The following CLCC1 variants were observed in gnomAD, a reference collection of about 807,000 sequenced individuals.
CLCC1 encodes chloride channel CLIC-like protein 1.
In CLCC1, 39 loss-of-function variants were observed where a neutral mutation model predicts 63.3. That is an observed-to-expected ratio of 0.62 (90% CI 0.48 to 0.81). The LOEUF (loss-of-function observed/expected upper bound fraction) is 0.81. Among genes scored for constraint, CLCC1 ranks in the 30% least tolerant of loss-of-function variants. CLCC1 has a pLI of 0.00. For missense variants in CLCC1, 549 were observed against 669.4 expected (o/e 0.82, Z 1.98); for synonymous variants, 217 against 239.8 (o/e 0.90, Z 0.88).
intron 2 of CLCC1, among the ~76,000 whole-genome samples, chr1:108,954,732 A>G (rs1364585660): frequency 6.6e-6 from 1 of 151,258 alleles, no homozygotes. Context: ...AGAAATTCAT[A>G]ATGAGAATAT....
At chr1:108,951,663 C>T (rs923279381) in intron 2 of CLCC1, among the ~76,000 whole-genome samples, 1 of 107,094 alleles carries the variant, frequency 9.3e-6, no homozygotes, top group Admixed American at 9.7e-5. Flanking sequence ...AGTATAGTAG[C>T]TAAAGGGTAC....
chr1:108,957,615 G>C (rs940602333), intron 2 of CLCC1, among the ~76,000 whole-genome samples: 2 of 151,542 alleles, frequency 1.3e-5, no homozygotes, highest in Non-Finnish European at 2.9e-5. Flanking sequence ...TGAAAATTTG[G>C]ATGTCGGTAA....
rs759099681 is a variant in CLCC1 at position 108,962,419 on chromosome 1, A to T, written c.-122T>A. 2.0e-5 allele frequency: 3 copies of T among 152,150 alleles called. No individual in the cohort carries two copies. Among genetic ancestry groups the T allele is most frequent in the Non-Finnish European group, 2.9e-5 (2 of 68,024 alleles). The allele number at this position is 152,150 out of a possible 1,614,324, so 9.4% of individuals were successfully genotyped here. A position where few individuals can be genotyped will look rare whatever the true frequency, so the allele number is the denominator to read the frequency against. On this transcript the variant is annotated 5_prime_UTR_variant, in exon 2 of 13. The change creates a new upstream start codon in the 5' untranslated region. Transcript: ENST00000369969. ...CAGTTTCTTGGAACCATGGCTCTCA[A>T]ACTTGCGAATTTGCATTTTTAACAA...
chr1:108,944,223 G>A (rs949493836), intron 5 of CLCC1, among the ~76,000 whole-genome samples, 166 bp from the exon 6 acceptor site: 21 of 152,260 alleles, frequency 1.4e-4, no homozygotes, highest in Middle Eastern at 6.8e-3. Context: ...TAATCCTAGT[G>A]CTTTGACAGG....
chr1:108,954,817 C>CGTGTGTGTGTGTGTGTGTGTGTGT (rs58482013), intron 2 of CLCC1, among the ~76,000 whole-genome samples: 1 of 140,520 alleles, frequency 7.1e-6, no homozygotes, highest in African/African-American at 2.8e-5. Flanking sequence ...ACTGTCTTTG[C>CGTGTGTGTGTGTGTGTGTGTGTGT]GTGTGTGTGT....
chr1:108,949,904 T>A lies in CLCC1; in HGVS notation c.147A>T (p.Ser49=). The A allele has an allele frequency of 6.3e-7, 1 of 1,596,126 alleles. No homozygotes were observed. The highest frequency in any genetic ancestry group is 1.7e-4 in the Middle Eastern group (1 of 6,042). Residue 49 remains serine, a synonymous_variant, in exon 4 of 13, where the codon TCA becomes TCT. Coordinates refer to ENST00000369969, the MANE Select transcript of CLCC1 (RefSeq NM_001377458.1). ...AGTCAGGACTGACATCCTTTTCCCC[T>A]GAAATACCATATTTTGCCTAAAACA... ...MRKSQAKYGI[S]GEKDVSPDLS...
chr1:108,957,584 G>GA (rs1258252290), intron 2 of CLCC1, among the ~76,000 whole-genome samples: 3 of 151,554 alleles, frequency 2.0e-5, no homozygotes, highest in South Asian at 4.1e-4. Flanking sequence ...CTCTAATACA[G>GA]AAATACACTA....
intron 12 of CLCC1, chr1:108,933,976 T>C (rs946858591): frequency 2.0e-5 from 3 of 152,210 alleles, no homozygotes; most frequent in Non-Finnish European, 4.4e-5. Flanking sequence ...TGCACTTCAA[T>C]TGGTGGGGGA....
chr1:108,944,201 A>G, intron 5 of CLCC1, 144 bp from the exon 6 acceptor site: 2 of 647,490 alleles, frequency 3.1e-6, no homozygotes, highest in Non-Finnish European at 5.2e-6. Flanking sequence ...TGGGCAAGGT[A>G]GCTCACACCT....
chr1:108,929,724 A>G lies in CLCC1; in HGVS notation c.*2823T>C. ...AGGGATCCAGATTAGATGATCAAAG[A>G]TGTGCTCCACCACCTGCTACCACAA... On this transcript the variant is annotated 3_prime_UTR_variant, in exon 13 of 13. Coordinates refer to ENST00000369969, the MANE Select transcript of CLCC1 (RefSeq NM_001377458.1). 1 of 1,613,216 alleles carries G rather than the reference A, an allele frequency of 6.2e-7. No individual in the cohort carries two copies. Among genetic ancestry groups the G allele is most frequent in the Non-Finnish European group, 8.5e-7 (1 of 1,179,238 alleles).
Position 108,948,826 on chromosome 1 carries a change from AT to A in CLCC1, c.231+993del, listed in dbSNP as rs957701692. ...CAATAATAATACACAAAGTGAAGCA[AT>A]TTTTTTTTCCTTTTCTTTTTCTTGT... On this transcript the variant is annotated intron_variant, in intron 4 of 12. Transcript: ENST00000369969. Among the ~76,000 whole-genome samples the A allele has an allele frequency of 7.3e-5, 11 of 151,666 alleles. No individual in the cohort carries two copies. In the East Asian group the frequency reaches 9.7e-4, roughly 13 times the overall value.
At chr1:108,954,010 CA>C (rs11463360) in intron 2 of CLCC1, among the ~76,000 whole-genome samples, 59 of 98,008 alleles carry the variant, frequency 6.0e-4, no homozygotes, top group Middle Eastern at 5.4e-3. Context: ...AACTCCGTCT[CA>C]AAAAAAAAAA....
intron 1 of CLCC1, 105 bp downstream of exon 1, chr1:108,963,256 C>A (rs915017894): frequency 4.8e-6 from 3 of 624,532 alleles, no homozygotes; most frequent in African/African-American, 3.7e-5. Flanking sequence ...GTCGCGCCTG[C>A]GGCCTCCCCA....
rs1209872502 is a variant in CLCC1 at position 108,929,757 on chromosome 1, G to A, written c.*2790C>T. The A allele has an allele frequency of 5.6e-6, 9 of 1,612,966 alleles. No homozygotes were observed. Among genetic ancestry groups the A allele is most frequent in the African/African-American group, 2.7e-5 (2 of 74,886 alleles). ...CACCACCTGCTACCACAAAGGGTCC[G>A]ACAGTACCAGATGAAGACTTTTTCA... On this transcript the variant is annotated 3_prime_UTR_variant, in exon 13 of 13. Coordinates refer to ENST00000369969, the MANE Select transcript of CLCC1 (RefSeq NM_001377458.1).
In CLCC1 at chr1:108,929,970, A is replaced by G. The variant is rs1651644769; in HGVS notation, c.*2577T>C. 6.3e-7 allele frequency: 1 copy of G among 1,596,860 alleles called. No individual in the cohort carries two copies. Among genetic ancestry groups the G allele is most frequent in the Non-Finnish European group, 8.6e-7 (1 of 1,165,456 alleles). The stretch of plus-strand genomic sequence containing the variant: ...TATGGATTTATTTTTTTTCCTTTCA[A>G]ACACGGTAAGGAAACAATCTATTAC... On this transcript the variant is annotated 3_prime_UTR_variant, in exon 13 of 13. Coordinates refer to ENST00000369969, the MANE Select transcript of CLCC1 (RefSeq NM_001377458.1).
chr1:108,960,527 G>T (rs1448529523), intron 2 of CLCC1, among the ~76,000 whole-genome samples: 4 of 152,214 alleles, frequency 2.6e-5, no homozygotes, highest in African/African-American at 9.6e-5. Context: ...GACAAAGGGA[G>T]TGTGTAAACT....
At position 108,950,295 on chromosome 1, in the gene CLCC1, AT is replaced by A. The variant is rs1178206044; in HGVS notation, c.129+13del. On this transcript the variant is annotated intron_variant, in intron 3 of 12. Coordinates refer to ENST00000369969, the MANE Select transcript of CLCC1 (RefSeq NM_001377458.1). Reference sequence around the variant, plus strand: ...GATAAGGTCTCACACACATGCACGAATTTTTTTTAATACCTGAGATTTTCTC... The same window carrying A: ...GATAAGGTCTCACACACATGCACGAATTTTTTTAATACCTGAGATTTTCTC... 27 of 1,604,296 alleles carry A rather than the reference AT, an allele frequency of 1.7e-5. No individual in the cohort carries two copies. Among genetic ancestry groups the A allele is most frequent in the Admixed American group, 8.5e-5 (5 of 59,160 alleles).
chr1:108,937,065 T>A lies in CLCC1; in HGVS notation c.1383+12A>T. 1 of 1,463,494 alleles carries A rather than the reference T, an allele frequency of 6.8e-7. No individual in the cohort carries two copies. Among genetic ancestry groups the A allele is most frequent in the South Asian group, 1.6e-5 (1 of 64,260 alleles). The allele number at this position is 1,463,494 out of a possible 1,614,324, so 90.7% of individuals were successfully genotyped here. On this transcript the variant is annotated intron_variant, in intron 11 of 12. Coordinates refer to ENST00000369969, the MANE Select transcript of CLCC1 (RefSeq NM_001377458.1). ...ATGAAGGGACAGCAGAATAAAAGAG[T>A]TGCTGACTTACACTGGGTACCACCG...
chr1:108,943,778 G>C, intron 6 of CLCC1, 58 bp downstream of exon 6: 1 of 1,480,468 alleles, frequency 6.8e-7, no homozygotes, highest in Admixed American at 1.9e-5. Context: ...GGTGGAGTTT[G>C]GAAAGTATTT....
Sources: gnomAD v4.1 joint callset for allele counts (sites outside exome capture counted in the v4.1 genomes callset) on GRCh38, gnomAD v4.1.1 for gene constraint, MANE v1.5 for transcripts, NCBI Gene and HGNC (gene_info 2026-07-23, HGNC 2026-07-21) for gene names.